The following ATXN7L1 variants were observed in gnomAD, a reference collection of about 807,000 sequenced individuals.
ATXN7L1 encodes the protein ataxin-7-like protein 1.
In ATXN7L1, 15 loss-of-function variants were observed where a neutral mutation model predicts 70.8. The observed-to-expected ratio is 0.21, with a 90% CI of 0.14 to 0.33. ATXN7L1 has a LOEUF of 0.33. Ranked by LOEUF, ATXN7L1 falls within the 10% of genes least tolerant of loss-of-function variation. The probability of loss-of-function intolerance (pLI) is 1.00; values close to 1 mark genes in which losing one functional copy is unlikely to be tolerated. For synonymous variants in ATXN7L1, 440 were observed against 445.1 expected (o/e 0.99, Z 0.14); for missense variants, 975 against 1,097.1 (o/e 0.89, Z 1.57).
intron 4 of ATXN7L1, among the ~76,000 whole-genome samples, chr7:105,653,383 G>A (rs1163215817): frequency 6.6e-6 from 1 of 152,160 alleles, no homozygotes; most frequent in Non-Finnish European, 1.5e-5. Context: ...AGGGGATGGA[G>A]GCTACAGTGA....
intron 3 of ATXN7L1, among the ~76,000 whole-genome samples, chr7:105,694,078 C>T (rs1187056992): frequency 1.0e-4 from 15 of 149,088 alleles, no homozygotes; most frequent in Admixed American, 9.3e-4. Flanking sequence ...GGCAGAGTCT[C>T]GCTCTGTTGC....
intron 3 of ATXN7L1, among the ~76,000 whole-genome samples, chr7:105,779,737 T>A (rs949793753): frequency 6.6e-6 from 1 of 152,236 alleles, no homozygotes; most frequent in African/African-American, 2.4e-5. Flanking sequence ...TGGGAAAGAC[T>A]GATCAAATTC....
At chr7:105,836,588 G>A (rs1293145831) in intron 2 of ATXN7L1, among the ~76,000 whole-genome samples, 2 of 152,178 alleles carry the variant, frequency 1.3e-5, no homozygotes, top group Admixed American at 1.3e-4. Context: ...AGAAGAAAGT[G>A]TTAGAACTGG....
At chr7:105,678,981 T>A (rs1805148379) in intron 3 of ATXN7L1, 1 of 782,338 alleles carries the variant, frequency 1.3e-6, no homozygotes, top group Admixed American at 6.3e-5. Flanking sequence ...CCTGCCAGGA[T>A]CTCTGTTCCG....
intron 4 of ATXN7L1, among the ~76,000 whole-genome samples, chr7:105,663,094 C>G (rs1016585348): frequency 1.3e-5 from 2 of 152,164 alleles, no homozygotes; most frequent in African/African-American, 4.8e-5. Context: ...ATCGGGACAC[C>G]ATGCAGCCCC....
intron 3 of ATXN7L1, among the ~76,000 whole-genome samples, chr7:105,728,641 T>C (rs770062616): frequency 6.6e-6 from 1 of 152,198 alleles, no homozygotes. Flanking sequence ...GCAATGAGCA[T>C]AACTAGTACC....
At chr7:105,684,906 T>C (rs143861913) in intron 3 of ATXN7L1, among the ~76,000 whole-genome samples, 91 of 152,336 alleles carry the variant, frequency 6.0e-4, no homozygotes, top group Middle Eastern at 3.4e-3. Flanking sequence ...TGGTAGGATC[T>C]TGTGGGTGAC....
At chr7:105,622,672 C>T (rs1026757918) in intron 8 of ATXN7L1, among the ~76,000 whole-genome samples, 1 of 152,242 alleles carries the variant, frequency 6.6e-6, no homozygotes, top group Non-Finnish European at 1.5e-5. Context: ...TCACTGCAAC[C>T]CCTTCCTTCT....
At chr7:105,875,654 T>C (rs1474673566) in intron 2 of ATXN7L1, among the ~76,000 whole-genome samples, 158 bp downstream of exon 2, 1 of 122,376 alleles carries the variant, frequency 8.2e-6, no homozygotes, top group Non-Finnish European at 1.6e-5. Flanking sequence ...ATTTATACTT[T>C]GAAAGAAGTT....
intron 3 of ATXN7L1, 142 bp from the exon 4 acceptor site, chr7:105,665,430 T>A: frequency 1.5e-6 from 1 of 659,656 alleles, no homozygotes; most frequent in Non-Finnish European, 2.6e-6. Flanking sequence ...TAGGTTCTGA[T>A]GAGACGATTT....
chr7:105,618,991 C>T (rs1408408277), intron 9 of ATXN7L1, among the ~76,000 whole-genome samples: 2 of 151,960 alleles, frequency 1.3e-5, no homozygotes, highest in African/African-American at 2.4e-5. Context: ...GGTGGGGAGT[C>T]CTAAGGAGGC....
chr7:105,804,444 G>C (rs1040934041), intron 2 of ATXN7L1, among the ~76,000 whole-genome samples: 1 of 152,196 alleles, frequency 6.6e-6, no homozygotes, highest in African/African-American at 2.4e-5. Flanking sequence ...TCTTGTTGGA[G>C]ATGAGTGGAA....
chr7:105,665,026 G>T (rs893977311), intron 4 of ATXN7L1, 40 bp downstream of exon 4: 2 of 1,502,968 alleles, frequency 1.3e-6, no homozygotes, highest in African/African-American at 2.8e-5. Context: ...GGAACAGCAG[G>T]GGGGACAGAC....
chr7:105,671,904 A>G (rs1346544503), intron 3 of ATXN7L1, among the ~76,000 whole-genome samples: 1 of 151,430 alleles, frequency 6.6e-6, no homozygotes, highest in Non-Finnish European at 1.5e-5. Flanking sequence ...AAAAAAAAAA[A>G]AAAAAAAAAA....
chr7:105,626,597 AAAC>A (rs1426955433), intron 7 of ATXN7L1, among the ~76,000 whole-genome samples: 3 of 152,232 alleles, frequency 2.0e-5, no homozygotes, highest in African/African-American at 7.2e-5. Context: ...TGTACTATAA[AAAC>A]AAAGCTGCCA....
intron 3 of ATXN7L1, among the ~76,000 whole-genome samples, chr7:105,693,330 T>C (rs1791261669): frequency 6.6e-6 from 1 of 152,152 alleles, no homozygotes; most frequent in Non-Finnish European, 1.5e-5. Context: ...TAGCTGGGAC[T>C]ATAGGTGTCT....
In ATXN7L1 at chr7:105,620,105, T is replaced by C. The variant is rs150600358; in HGVS notation, c.1517+95A>G. The C allele has an allele frequency of 5.0e-4, 709 of 1,427,246 alleles. 1 individual carries two copies. In the African/African-American group the frequency reaches 6.0e-3, roughly 12 times the overall value. 88.4% of individuals were successfully genotyped at this position (1,427,246 alleles called of 1,614,324 possible). A position where few individuals can be genotyped will look rare whatever the true frequency, so the allele number is the denominator to read the frequency against. On this transcript the variant is annotated intron_variant, in intron 9 of 11. Transcript: ENST00000419735. ...CTGACTTCAGAATCATTTTGTTCTA[T>C]GAAAAGTCAGCCACTGACATTTATT...
At chr7:105,849,096 T>C (rs1156681091) in intron 2 of ATXN7L1, among the ~76,000 whole-genome samples, 2 of 152,214 alleles carry the variant, frequency 1.3e-5, no homozygotes, top group Non-Finnish European at 2.9e-5. Context: ...CTCCACTGAA[T>C]TTGACCATTA....
Position 105,614,735 on chromosome 7 carries a change from C to T in ATXN7L1, c.1599G>A (p.Gln533=). The change falls in exon 10 of 12, where the codon CAG becomes CAA. Residue 533 remains glutamine (Q), a synonymous_variant. Coordinates refer to ENST00000419735, the MANE Select transcript of ATXN7L1 (RefSeq NM_020725.2). The surrounding 1 kb of genome is among the most constrained non-coding windows in gnomAD (Gnocchi z 4.3). ...ITTPVPASVL[Q]PFSNPSAVYL... Reference sequence around the variant, plus strand: ...ACACAGCACTGGGGTTGCTGAAAGGCTGCAAAACGGATGCTGGAACGGGGG... The same window carrying T: ...ACACAGCACTGGGGTTGCTGAAAGGTTGCAAAACGGATGCTGGAACGGGGG... 1 of 1,551,708 alleles carries T rather than the reference C, an allele frequency of 6.4e-7. No homozygotes were observed. Among genetic ancestry groups the T allele is most frequent in the Non-Finnish European group, 8.7e-7 (1 of 1,147,014 alleles).
Sources: allele counts gnomAD v4.1 joint callset (sites outside exome capture counted in the v4.1 genomes callset), GRCh38; gene constraint gnomAD v4.1.1; non-coding constraint Gnocchi (gnomAD v3.1); transcripts MANE v1.5; gene names NCBI Gene and HGNC (gene_info 2026-07-23, HGNC 2026-07-21).